The following MET variants were observed in gnomAD, a reference collection of about 807,000 sequenced individuals.
The protein encoded by MET is MET proto-oncogene, receptor tyrosine kinase, also known as hepatocyte growth factor receptor.
Under a neutral mutation model 133.1 loss-of-function variants are expected in MET, and 48 were observed. That is an observed-to-expected ratio of 0.36 (90% CI 0.29 to 0.46). The LOEUF is 0.46. Ranked by LOEUF, MET falls within the 20% of genes least tolerant of loss-of-function variation. MET has a pLI of 1.00. For missense variants in MET, 1,442 were observed against 1,695.9 expected, an observed-to-expected ratio of 0.85 and a Z score of 2.63; for synonymous variants, 628 against 616.5, an observed-to-expected ratio of 1.02 and a Z score of -0.28.
At chr7:116,759,240 T>G (rs1794303398) in intron 9 of MET, 151 bp from the exon 10 acceptor site, 7 of 1,130,658 alleles carry the variant, frequency 6.2e-6, no homozygotes, top group Non-Finnish European at 8.6e-6. Flanking sequence ...AATAAGTTGT[T>G]TCCAAAGAAC....
chr7:116,675,571 T>G (rs1187640312), intron 1 of MET, among the ~76,000 whole-genome samples: 1 of 152,156 alleles, frequency 6.6e-6, no homozygotes, highest in Admixed American at 6.5e-5. Context: ...ACAAGGAAAC[T>G]GAGCTTGAGA....
At chr7:116,791,146 T>C (rs1251172893) in intron 19 of MET, among the ~76,000 whole-genome samples, 1 of 152,256 alleles carries the variant, frequency 6.6e-6, no homozygotes, top group African/African-American at 2.4e-5. Flanking sequence ...ATAATTGTAA[T>C]GGCTATGACA....
intron 4 of MET, 36 bp downstream of exon 4, chr7:116,740,120 G>GT (rs1479662080): frequency 6.2e-7 from 1 of 1,613,270 alleles, no homozygotes; most frequent in Admixed American, 1.7e-5. Flanking sequence ...CATAGACGTG[G>GT]TTTTTCCCAA....
At chr7:116,713,394 CAAAAAAA>C (rs749848531) in intron 2 of MET, among the ~76,000 whole-genome samples, 1 of 77,574 alleles carries the variant, frequency 1.3e-5, no homozygotes, top group Non-Finnish European at 2.9e-5. Context: ...GACTCCGTCT[CAAAAAAA>C]AAAAAAAAAG....
At chr7:116,712,479 C>T (rs904637920) in intron 2 of MET, among the ~76,000 whole-genome samples, 32 of 152,284 alleles carry the variant, frequency 2.1e-4, no homozygotes, top group African/African-American at 7.0e-4. Context: ...ATACATTTAT[C>T]GGATGAGCAA....
intron 1 of MET, among the ~76,000 whole-genome samples, chr7:116,683,875 G>A (rs1005689946): frequency 6.6e-6 from 1 of 152,146 alleles, no homozygotes; most frequent in Non-Finnish European, 1.5e-5. Context: ...TTAGATTCTA[G>A]TCTTCTGTAA....
chr7:116,717,307 T>C (rs570828437), intron 2 of MET, among the ~76,000 whole-genome samples: 1 of 152,306 alleles, frequency 6.6e-6, no homozygotes, highest in South Asian at 2.1e-4. Flanking sequence ...AGTTAAAATA[T>C]GTCTATAAGA....
intron 5 of MET, among the ~76,000 whole-genome samples, chr7:116,745,008 A>T (rs1325710754): frequency 1.3e-5 from 2 of 152,246 alleles, no homozygotes; most frequent in Non-Finnish European, 2.9e-5. Flanking sequence ...TGCAGATGAC[A>T]TGATTGTATA....
At chr7:116,744,060 A>G (rs1793563965) in intron 5 of MET, among the ~76,000 whole-genome samples, 1 of 152,252 alleles carries the variant, frequency 6.6e-6, no homozygotes, top group Non-Finnish European at 1.5e-5. Context: ...CCAAAGGTTG[A>G]TAAATCCATG....
chr7:116,771,659 A>G lies in MET; in HGVS notation c.2887+5A>G, dbSNP rs752292538. On this transcript the variant is annotated splice_donor_5th_base_variant and intron_variant, in intron 13 of 20. Transcript: ENST00000397752. ...AAAAGAGAAAGCAAATTAAAGGTGC[A>G]TTTTTGTTACTGTTCATTTTTAGAA... The G allele has an allele frequency of 1.2e-6, 2 of 1,613,610 alleles. No homozygotes were observed. The highest frequency in any genetic ancestry group is 1.1e-5 in the South Asian group (1 of 91,060).
At chr7:116,721,570 T>C (rs1792486485) in intron 2 of MET, among the ~76,000 whole-genome samples, 1 of 152,190 alleles carries the variant, frequency 6.6e-6, no homozygotes, top group South Asian at 2.1e-4. Context: ...CTTTTAATTG[T>C]GATGTTAGGG....
intron 5 of MET, among the ~76,000 whole-genome samples, chr7:116,747,205 A>G (rs1042188830): frequency 6.6e-6 from 1 of 152,228 alleles, no homozygotes; most frequent in Non-Finnish European, 1.5e-5. Flanking sequence ...TGTAAAGACC[A>G]TTGACACTGT....
At chr7:116,708,275 C>A (rs1378402747) in intron 2 of MET, among the ~76,000 whole-genome samples, 1 of 152,090 alleles carries the variant, frequency 6.6e-6, no homozygotes, top group East Asian at 1.9e-4. Context: ...TGAAAGCTAA[C>A]CTTTATATAA....
chr7:116,789,330 A>G (rs890117771), intron 19 of MET, among the ~76,000 whole-genome samples: 1 of 152,136 alleles, frequency 6.6e-6, no homozygotes, highest in East Asian at 1.9e-4. Flanking sequence ...AGTGTCACAA[A>G]TTTACCATGT....
chr7:116,778,979 C>T (rs2117048820), intron 17 of MET, 22 bp downstream of exon 17: 1 of 1,612,856 alleles, frequency 6.2e-7, no homozygotes, highest in Non-Finnish European at 8.5e-7. Context: ...GCCAAGCTTA[C>T]TAACTGGCAA....
chr7:116,675,343 A>G (rs1254056436), intron 1 of MET, among the ~76,000 whole-genome samples: 3 of 152,260 alleles, frequency 2.0e-5, no homozygotes, highest in Admixed American at 1.3e-4. Flanking sequence ...TATTAAATGA[A>G]CACAAATTCA....
At chr7:116,707,755 G>A (rs568805040) in intron 2 of MET, among the ~76,000 whole-genome samples, 40 of 152,246 alleles carry the variant, frequency 2.6e-4, no homozygotes, top group Middle Eastern at 6.8e-3. Context: ...ATGCACTAAG[G>A]AGATTACAAG....
At chr7:116,693,624 G>A (rs912396495) in intron 1 of MET, among the ~76,000 whole-genome samples, 11 of 152,146 alleles carry the variant, frequency 7.2e-5, no homozygotes, top group African/African-American at 2.7e-4. Flanking sequence ...GTAAGCCCAC[G>A]TGACTTTCTG....
chr7:116,747,786 T>C (rs1375953145), intron 5 of MET, among the ~76,000 whole-genome samples: 1 of 152,166 alleles, frequency 6.6e-6, no homozygotes, highest in Non-Finnish European at 1.5e-5. Flanking sequence ...CTAATAGACA[T>C]CTACAGAACT....
Sources: allele counts gnomAD v4.1 joint callset (sites outside exome capture counted in the v4.1 genomes callset), GRCh38; gene constraint gnomAD v4.1.1; transcripts MANE v1.5; gene names NCBI Gene and HGNC (gene_info 2026-07-23, HGNC 2026-07-21).